The following USP47 variants were observed in gnomAD, a reference collection of about 807,000 sequenced individuals.
The protein encoded by USP47 is ubiquitin carboxyl-terminal hydrolase 47.
In USP47, 35 loss-of-function variants were observed where a neutral mutation model predicts 165.1. That is an observed-to-expected ratio of 0.21 (90% confidence interval 0.16 to 0.28). The LOEUF (loss-of-function observed/expected upper bound fraction) is 0.28. Among genes scored for constraint, USP47 ranks in the 10% least tolerant of loss-of-function variants. USP47 has a pLI of 1.00. For missense variants in USP47, 1,277 were observed against 1,607.4 expected (o/e 0.79, Z 3.52); for synonymous variants, 531 against 544.5 (o/e 0.98, Z 0.35).
chr11:11,907,686 C>T (rs1374546951), intron 8 of USP47, among the ~76,000 whole-genome samples: 2 of 152,032 alleles, frequency 1.3e-5, no homozygotes, highest in African/African-American at 4.8e-5. Context: ...AAAGAGGTAC[C>T]ATAAAATCAC....
intron 19 of USP47, 63 bp from the exon 20 acceptor site, chr11:11,942,272 G>T: frequency 6.9e-7 from 1 of 1,445,528 alleles, no homozygotes; most frequent in Non-Finnish European, 9.3e-7. Flanking sequence ...GCAATATAAT[G>T]ATGATGATGA....
In USP47 at chr11:11,958,010, A is replaced by G. The variant is rs1345258064; in HGVS notation, c.*1835A>G. ...AAACACTTGTGATGAATTGTCTTTCAGATCACTTAGATTTTCTGATGTAAG... is the reference window on the plus strand; with the variant it reads ...AAACACTTGTGATGAATTGTCTTTCGGATCACTTAGATTTTCTGATGTAAG... On this transcript the variant is annotated 3_prime_UTR_variant, in exon 28 of 28. Coordinates refer to ENST00000527733, the MANE Select transcript of USP47 (RefSeq NM_001282659.2). 1 of 152,236 alleles carries G rather than the reference A, an allele frequency of 6.6e-6. No individual in the cohort carries two copies. The highest frequency in any genetic ancestry group is 1.5e-5 in the Non-Finnish European group (1 of 68,044). The allele number at this position is 152,236 out of a possible 1,614,324, so 9.4% of individuals were successfully genotyped here.
chr11:11,905,618 C>G, intron 8 of USP47, 70 bp downstream of exon 8: 1 of 1,403,726 alleles, frequency 7.1e-7, no homozygotes, highest in South Asian at 1.7e-5. Flanking sequence ...GGTATAATCT[C>G]TTGTAAGGTA....
intron 1 of USP47, among the ~76,000 whole-genome samples, chr11:11,852,338 T>TA (rs1278805130): frequency 1.3e-5 from 2 of 152,176 alleles, no homozygotes; most frequent in African/African-American, 4.8e-5. Flanking sequence ...AGTATGGACT[T>TA]ATGGATATTT....
intron 5 of USP47, among the ~76,000 whole-genome samples, chr11:11,898,209 T>C (rs1851968915): frequency 6.6e-6 from 1 of 152,112 alleles, no homozygotes. Flanking sequence ...ATGGAGGAAG[T>C]CTATGTTTAA....
Position 11,930,796 on chromosome 11 carries a change from T to G in USP47, c.1651+45T>G, listed in dbSNP as rs763306378. ...TTTGATTTTAATTTGTGTTATAAAC[T>G]AATTTCTTTTGTAAGTTTGCAAACC... is the stretch of plus-strand genomic sequence containing the variant. On this transcript the variant is annotated intron_variant, in intron 14 of 27. Coordinates refer to ENST00000527733, the MANE Select transcript of USP47 (RefSeq NM_001282659.2). The G allele has an allele frequency of 2.7e-5, 40 of 1,506,866 alleles. No individual in the cohort carries two copies. The Middle Eastern group carries it at 5.2e-4, about 20-fold the overall frequency. The allele number at this position is 1,506,866 out of a possible 1,614,324, so 93.3% of individuals were successfully genotyped here. A position where few individuals can be genotyped will look rare whatever the true frequency, so the allele number is the denominator to read the frequency against.
At position 11,854,201 on chromosome 11, in the gene USP47, C is replaced by T. The variant is rs1342254772; in HGVS notation, c.39+11977C>T. Among the ~76,000 whole-genome samples, 2 of 146,264 alleles carry T rather than the reference C, an allele frequency of 1.4e-5. 1 individual carries two copies. Among genetic ancestry groups the T allele is most frequent in the East Asian group, 4.1e-4 (2 of 4,932 alleles). Reference sequence around the variant, plus strand: ...AGCCTGAAAATTCTCCTCTTTCAACCTGATTGCATATTCTTAATCCTAAAA... The same window carrying T: ...AGCCTGAAAATTCTCCTCTTTCAACTTGATTGCATATTCTTAATCCTAAAA... On this transcript the variant is annotated intron_variant, in intron 1 of 27. Coordinates refer to ENST00000527733, the MANE Select transcript of USP47 (RefSeq NM_001282659.2).
chr11:11,950,239 A>G, intron 23 of USP47, 125 bp from the exon 24 acceptor site: 1 of 747,282 alleles, frequency 1.3e-6, no homozygotes, highest in Non-Finnish European at 2.1e-6. Flanking sequence ...CCCAGATTTT[A>G]ACAACTCATT....
In USP47 at chr11:11,862,754, G is replaced by A. The variant is rs560956806; in HGVS notation, c.40-17423G>A. Among the ~76,000 whole-genome samples the A allele has an allele frequency of 1.2e-4, 18 of 151,674 alleles. 1 individual carries two copies. The South Asian group carries it at 2.9e-3, about 25-fold the overall frequency. On this transcript the variant is annotated intron_variant, in intron 1 of 27. Coordinates refer to ENST00000527733, the MANE Select transcript of USP47 (RefSeq NM_001282659.2). ...TTTTCTTTATTAGAGATAGGGTCTC[G>A]CCATGTTGCCCAGGCTGGTCTCGAA... is the stretch of plus-strand genomic sequence containing the variant.
At chr11:11,906,993 T>C (rs1852615639) in intron 8 of USP47, among the ~76,000 whole-genome samples, 3 of 152,194 alleles carry the variant, frequency 2.0e-5, no homozygotes, top group Admixed American at 2.0e-4. Flanking sequence ...CATATATACA[T>C]TTAATTTAGT....
In USP47 at chr11:11,942,480, C is replaced by G; in HGVS notation, c.2459C>G (p.Thr820Arg). The change falls in exon 20 of 28, where the codon ACA (threonine) becomes AGA (arginine). Residue 820 changes from threonine (T) to arginine (R), a missense_variant. Around this residue, in one of 4 missense-constraint regions of USP47, gnomAD observed 909 missense variants for 1,068.1 expected, o/e 0.85. Coordinates refer to ENST00000527733, the MANE Select transcript of USP47 (RefSeq NM_001282659.2). ...TCCCCAGTATCTTATTCCAAAAGGACAGCATACCAGAAAGCTGGAGGCGAT... is the reference window on the plus strand; with the variant it reads ...TCCCCAGTATCTTATTCCAAAAGGAGAGCATACCAGAAAGCTGGAGGCGAT... The part of the protein sequence containing the change: ...EQSPVSYSKR[T>R]AYQKAGGDSG... The G allele has an allele frequency of 6.2e-7, 1 of 1,613,526 alleles. No individual in the cohort carries two copies. Among genetic ancestry groups the G allele is most frequent in the East Asian group, 2.2e-5 (1 of 44,868 alleles).
At chr11:11,869,316 T>G (rs1054057704) in intron 1 of USP47, among the ~76,000 whole-genome samples, 1 of 110,588 alleles carries the variant, frequency 9.0e-6, no homozygotes, top group Non-Finnish European at 2.2e-5. Context: ...AGGTTGAGAA[T>G]TTTTTTTTTT....
intron 13 of USP47, among the ~76,000 whole-genome samples, chr11:11,930,402 G>A (rs567540691): frequency 6.6e-6 from 1 of 152,248 alleles, no homozygotes; most frequent in East Asian, 1.9e-4. Context: ...GGTCCTTGCT[G>A]GAAACAACTT....
intron 8 of USP47, among the ~76,000 whole-genome samples, chr11:11,919,254 C>T (rs1421503746): frequency 2.0e-5 from 3 of 151,832 alleles, no homozygotes; most frequent in African/African-American, 7.2e-5. Context: ...ACAGCTTGTC[C>T]TATATCAAAA....
rs544270741 is a variant in USP47 at position 11,958,792 on chromosome 11, G to T, written c.*2617G>T. Reference sequence around the variant, plus strand: ...CATGCCGTGTGTAGCTGATCTGTACGGGACGTGTATGTAAGGAAGAGCAAT... The same window carrying T: ...CATGCCGTGTGTAGCTGATCTGTACTGGACGTGTATGTAAGGAAGAGCAAT... On this transcript the variant is annotated 3_prime_UTR_variant, in exon 28 of 28. Transcript: ENST00000527733. 175 of 152,322 alleles carry T rather than the reference G, an allele frequency of 1.1e-3. No individual in the cohort carries two copies. The highest frequency in any genetic ancestry group is 2.2e-3 in the Non-Finnish European group (151 of 68,036). 9.4% of individuals were successfully genotyped at this position (152,322 alleles called of 1,614,324 possible).
Position 11,936,310 on chromosome 11 carries a change from A to G in USP47, c.1877A>G (p.Asp626Gly). 1 of 1,552,464 alleles carries G rather than the reference A, an allele frequency of 6.4e-7. No homozygotes were observed. The highest frequency in any genetic ancestry group is 8.7e-7 in the Non-Finnish European group (1 of 1,144,506). ...EAVEMAYKMM[D>G]LEEVIPLDCC... ...GGGATTACTTTCTTTTAGATGATGG[A>G]TTTAGAAGAGGTAATACCCCTGGAT... The change falls in exon 17 of 28, where the codon GAT becomes GGT. Residue 626 changes from aspartate (D) to glycine (G), a missense_variant. Asp to Gly is a moderately conservative substitution (Grantham distance 94). Transcript: ENST00000527733.
At chr11:11,908,075 A>G (rs1454107194) in intron 8 of USP47, among the ~76,000 whole-genome samples, 2 of 149,476 alleles carry the variant, frequency 1.3e-5, no homozygotes, top group Non-Finnish European at 3.0e-5. Flanking sequence ...GCAACTGAGC[A>G]TGACTCTGTC....
chr11:11,932,450 G>T (rs770412793), intron 14 of USP47, among the ~76,000 whole-genome samples: 5 of 152,166 alleles, frequency 3.3e-5, no homozygotes, highest in Non-Finnish European at 5.9e-5. Flanking sequence ...TTATGACTCT[G>T]CATTCTTTGG....
intron 2 of USP47, among the ~76,000 whole-genome samples, chr11:11,881,895 A>G (rs1455438956): frequency 6.6e-6 from 1 of 152,128 alleles, no homozygotes; most frequent in African/African-American, 2.4e-5. Flanking sequence ...AGGTTTCAGC[A>G]TGTGAATTTT....
Sources: allele counts gnomAD v4.1 joint callset (sites outside exome capture counted in the v4.1 genomes callset), GRCh38; gene constraint gnomAD v4.1.1; regional missense constraint gnomAD v4.1.1; transcripts MANE v1.5; gene names NCBI Gene and HGNC (gene_info 2026-07-23, HGNC 2026-07-21).